The following CLVS1 variants were observed in gnomAD, a reference collection of about 807,000 sequenced individuals.
The protein encoded by CLVS1 is clavesin 1, also known as clavesin-1.
Under a neutral mutation model 33.1 loss-of-function variants are expected in CLVS1, and 10 were observed. The ratio of observed to expected loss-of-function variants is 0.30; its 90% confidence interval spans 0.19 to 0.51. The LOEUF is 0.51. Among genes scored for constraint, CLVS1 ranks in the 20% least tolerant of loss-of-function variants. CLVS1 has a pLI of 0.97. For missense variants in CLVS1, 343 were observed against 433.4 expected (o/e 0.79, Z 1.85); for synonymous variants, 163 against 166.1 (o/e 0.98, Z 0.14).
chr8:61,195,749 A>G (rs954868960), intron 2 of CLVS1, among the ~76,000 whole-genome samples: 2 of 152,072 alleles, frequency 1.3e-5, no homozygotes, highest in African/African-American at 4.8e-5. Flanking sequence ...AAAGGGGGAA[A>G]AGTGAAGATG....
intron 2 of CLVS1, among the ~76,000 whole-genome samples, chr8:61,360,951 A>G (rs1048204098): frequency 6.6e-6 from 1 of 152,236 alleles, no homozygotes; most frequent in Non-Finnish European, 1.5e-5. Context: ...CTGTACAGGA[A>G]ATAGTGGCTG....
At chr8:61,241,096 A>G (rs1808689965) in intron 2 of CLVS1, among the ~76,000 whole-genome samples, 1 of 152,148 alleles carries the variant, frequency 6.6e-6, no homozygotes, top group African/African-American at 2.4e-5. Flanking sequence ...CTTACATGGC[A>G]GTCACCTAGC....
chr8:61,060,472 C>A (rs1230954361), intron 1 of CLVS1, among the ~76,000 whole-genome samples: 3 of 152,096 alleles, frequency 2.0e-5, no homozygotes, highest in African/African-American at 7.2e-5. Flanking sequence ...CTTAGAGGAA[C>A]CTGAAAAAAA....
At chr8:61,063,812 C>A (rs1160876294) in intron 1 of CLVS1, among the ~76,000 whole-genome samples, 6 of 152,150 alleles carry the variant, frequency 3.9e-5, no homozygotes, top group African/African-American at 1.4e-4. Context: ...GCACAATCAT[C>A]CCCCCTATGT....
At chr8:61,199,217 A>T (rs1178452642) in intron 2 of CLVS1, among the ~76,000 whole-genome samples, 1 of 152,124 alleles carries the variant, frequency 6.6e-6, no homozygotes, top group Non-Finnish European at 1.5e-5. Flanking sequence ...TATGACTAAG[A>T]CTCCAAAATC....
At chr8:61,045,822 A>G in the CLVS1 span, among the ~76,000 whole-genome samples, 3 of 152,180 alleles carry the variant, frequency 2.0e-5, no homozygotes, top group Non-Finnish European at 4.4e-5. Context: ...GCCTCTGGCC[A>G]CTTTGGTCTT....
the CLVS1 span, among the ~76,000 whole-genome samples, chr8:61,041,003 T>A: frequency 6.6e-6 from 1 of 152,222 alleles, no homozygotes; most frequent in Non-Finnish European, 1.5e-5. Context: ...TTGAGTTAAT[T>A]TTTGTATATG....
At chr8:61,261,975 C>CGT (rs57278209) in intron 2 of CLVS1, among the ~76,000 whole-genome samples, 1,763 of 110,992 alleles carry the variant, frequency 0.016, 11 homozygotes, top group Non-Finnish European at 0.023. Flanking sequence ...CTCATTGCTG[C>CGT]GTGTGTGTGT....
chr8:61,488,611 C>A (rs1463343060), intron 5 of CLVS1, among the ~76,000 whole-genome samples: 2 of 152,082 alleles, frequency 1.3e-5, no homozygotes, highest in Admixed American at 6.6e-5. Context: ...ATAAACACTT[C>A]TAATTTAAAT....
chr8:61,212,563 G>A (rs1807993501), intron 2 of CLVS1, among the ~76,000 whole-genome samples: 1 of 152,150 alleles, frequency 6.6e-6, no homozygotes, highest in African/African-American at 2.4e-5. Flanking sequence ...GGATGTTGGG[G>A]AAATGATTTT....
chr8:61,255,265 G>C (rs1220971399), intron 2 of CLVS1, among the ~76,000 whole-genome samples: 3 of 152,052 alleles, frequency 2.0e-5, no homozygotes, highest in African/African-American at 7.3e-5. Context: ...GAGGTGGCCT[G>C]ACTGAATTAA....
At chr8:61,210,635 T>C (rs1042752983) in intron 2 of CLVS1, among the ~76,000 whole-genome samples, 1 of 152,146 alleles carries the variant, frequency 6.6e-6, no homozygotes, top group Non-Finnish European at 1.5e-5. Context: ...CCTTGTGAGC[T>C]TGGAAGAGAA....
At chr8:61,372,723 G>A (rs1415942493) in intron 2 of CLVS1, among the ~76,000 whole-genome samples, 1 of 151,606 alleles carries the variant, frequency 6.6e-6, no homozygotes, top group African/African-American at 2.4e-5. Flanking sequence ...GACTTTCATT[G>A]TTTTTTGATA....
chr8:61,288,205 A>T, intron 1 of CLVS1, 67 bp downstream of exon 1: 2 of 456,040 alleles, frequency 4.4e-6, no homozygotes, highest in Non-Finnish European at 8.8e-6. Flanking sequence ...CGCTCTTTCG[A>T]TGCCATGGCT....
Position 61,497,979 on chromosome 8 carries a change from G to GGT in CLVS1, c.978-1475_978-1474dup, listed in dbSNP as rs570941086. On this transcript the variant is annotated intron_variant, in intron 5 of 5. Transcript: ENST00000325897. ...TCTCATCGCCGTCTTGGTTTCGGTG[G>GGT]GTTTTGTCTGGCTTTTTTACTACAA... Among the ~76,000 whole-genome samples, 84 of 152,170 alleles carry GGT rather than the reference G, an allele frequency of 5.5e-4. 1 individual carries two copies. In the Middle Eastern group the frequency reaches 0.027, roughly 49 times the overall value.
intron 5 of CLVS1, among the ~76,000 whole-genome samples, chr8:61,470,085 A>G (rs1817684055): frequency 6.6e-6 from 1 of 152,214 alleles, no homozygotes; most frequent in South Asian, 2.1e-4. Flanking sequence ...TTAAAGATTG[A>G]AGAAAAATAG....
intron 2 of CLVS1, among the ~76,000 whole-genome samples, chr8:61,301,833 G>A (rs779897278): frequency 6.6e-6 from 1 of 152,140 alleles, no homozygotes; most frequent in Non-Finnish European, 1.5e-5. Context: ...GTTCCTTGAG[G>A]GCAGGAGATC....
At chr8:61,369,274 A>G (rs1427908890) in intron 2 of CLVS1, among the ~76,000 whole-genome samples, 1 of 152,212 alleles carries the variant, frequency 6.6e-6, no homozygotes, top group Non-Finnish European at 1.5e-5. Context: ...AACATTTTTC[A>G]TTAGCACACT....
Position 61,350,334 on chromosome 8 carries a change from G to A in CLVS1, c.456-26271G>A, listed in dbSNP as rs999091095. ...TTCTCTTTCCAGAGGTCTAGTTAGC[G>A]TCTCTCACCCAATACATTTTCTTCA... On this transcript the variant is annotated intron_variant, in intron 2 of 5. Transcript: ENST00000325897. 4.6e-5 allele frequency among the ~76,000 whole-genome samples: 7 copies of A among 152,050 alleles called. No homozygotes were observed. The East Asian group carries it at 5.8e-4, about 13-fold the overall frequency.
Sources: allele counts gnomAD v4.1 joint callset (sites outside exome capture counted in the v4.1 genomes callset), GRCh38; gene constraint gnomAD v4.1.1; transcripts MANE v1.5; gene names NCBI Gene and HGNC (gene_info 2026-07-23, HGNC 2026-07-21).